The following GLRA2 variants were observed in gnomAD, a reference collection of about 807,000 sequenced individuals.
GLRA2 encodes glycine receptor alpha 2.
GLRA2 carries 11 observed loss-of-function variants against 31.6 expected under a neutral mutation model. That is an observed-to-expected ratio of 0.35 (90% CI 0.22 to 0.58). The LOEUF (loss-of-function observed/expected upper bound fraction) is 0.58, where lower values mean the gene tolerates loss of function less well. GLRA2 is among the 20% of genes least tolerant of loss of function. GLRA2 has a pLI of 0.84. For missense variants in GLRA2, 212 were observed against 351.8 expected (o/e 0.60, Z 3.18); for synonymous variants, 132 against 134.0 (o/e 0.99, Z 0.10).
intron 7 of GLRA2, among the ~76,000 whole-genome samples, chrX:14,642,425 C>T (rs1374365074): frequency 8.9e-6 from 1 of 112,014 alleles, no homozygotes; most frequent in Non-Finnish European, 1.9e-5. Flanking sequence ...CACCCAGCTC[C>T]TTGGCCATTG....
At chrX:14,514,916 G>A in the GLRA2 span, among the ~76,000 whole-genome samples, 1 of 110,605 alleles carries the variant, frequency 9.0e-6, no homozygotes, top group Non-Finnish European at 1.9e-5. Flanking sequence ...CCATTAATAT[G>A]CTATATACTG....
chrX:14,600,310 G>T (rs2090254235), intron 4 of GLRA2, among the ~76,000 whole-genome samples: 1 of 110,878 alleles, frequency 9.0e-6, no homozygotes. Context: ...ATTAAAGTTG[G>T]GTTGTTTCCA....
intron 7 of GLRA2, among the ~76,000 whole-genome samples, chrX:14,619,608 C>G (rs1409140286): frequency 9.0e-6 from 1 of 110,782 alleles, no homozygotes; most frequent in Non-Finnish European, 1.9e-5. Context: ...CAAATCTTAT[C>G]TTCTCAGCAA....
chrX:14,672,022 T>G, intron 7 of GLRA2, among the ~76,000 whole-genome samples: 1 of 112,209 alleles, frequency 8.9e-6, no homozygotes, highest in Middle Eastern at 4.6e-3. Context: ...TTTATTTCCC[T>G]TGAGTCACAG....
At chrX:14,462,641 G>T in the GLRA2 span, among the ~76,000 whole-genome samples, 1 of 111,119 alleles carries the variant, frequency 9.0e-6, no homozygotes, top group Admixed American at 9.6e-5. Context: ...GATTGAATCA[G>T]CTGTTGAACT....
At chrX:14,711,883 T>C (rs934415321) in intron 8 of GLRA2, among the ~76,000 whole-genome samples, 4 of 112,243 alleles carry the variant, frequency 3.6e-5, no homozygotes, top group African/African-American at 1.3e-4. Flanking sequence ...CTTACAATAA[T>C]TTTCTTATAA....
At chrX:14,613,174 C>T (rs925098407) in intron 7 of GLRA2, among the ~76,000 whole-genome samples, 1 of 111,308 alleles carries the variant, frequency 9.0e-6, no homozygotes, top group Non-Finnish European at 1.9e-5. Context: ...TTTTCTACAT[C>T]GTCGGTATTC....
chrX:14,539,094 A>T (rs1181761504), intron 2 of GLRA2, among the ~76,000 whole-genome samples: 2 of 111,481 alleles, frequency 1.8e-5, no homozygotes, highest in East Asian at 5.6e-4. Flanking sequence ...TCTGAGACTT[A>T]AATGGCATCA....
chrX:14,628,712 G>A (rs2090613889), intron 7 of GLRA2, among the ~76,000 whole-genome samples: 1 of 111,636 alleles, frequency 9.0e-6, no homozygotes, highest in Non-Finnish European at 1.9e-5. Flanking sequence ...AAGTTGGAAT[G>A]AGCCAGTAAA....
chrX:14,551,150 A>G (rs766223429), intron 2 of GLRA2, among the ~76,000 whole-genome samples: 39 of 111,961 alleles, frequency 3.5e-4, no homozygotes, highest in African/African-American at 1.1e-3. Flanking sequence ...AGCTAGTAAG[A>G]GTGCAGAAAT....
chrX:14,568,598 G>A (rs751123979), intron 2 of GLRA2, among the ~76,000 whole-genome samples: 7 of 108,227 alleles, frequency 6.5e-5, no homozygotes, highest in Admixed American at 9.8e-5. Context: ...GGGGCTGAGG[G>A]AAGATAATTG....
chrX:14,674,404 G>A (rs16979650), intron 7 of GLRA2, among the ~76,000 whole-genome samples: 23,264 of 111,255 alleles, frequency 0.21, 1,825 homozygotes, highest in Middle Eastern at 0.26. Context: ...ATTCCTGTGG[G>A]GAAAACTGCC....
At position 14,552,399 on chromosome X, in the gene GLRA2, G is replaced by A. The variant is rs184691487; in HGVS notation, c.202+20027G>A. On this transcript the variant is annotated intron_variant, in intron 2 of 8. Transcript: ENST00000218075. ...AACATGTTAAGTGTGTCATATGCAT[G>A]CTCTCATTTGTTCTCTACAAAATTG... 9.8e-5 allele frequency among the ~76,000 whole-genome samples: 11 copies of A among 112,386 alleles called. No individual in the cohort carries two copies. The East Asian group carries it at 3.1e-3, about 32-fold the overall frequency.
At position 14,693,794 on chromosome X, in the gene GLRA2, C is replaced by G. The variant is rs1490637454; in HGVS notation, c.1080+2935C>G. Among the ~76,000 whole-genome samples, 9 of 111,769 alleles carry G rather than the reference C, an allele frequency of 8.1e-5. No individual in the cohort carries two copies. In the East Asian group the frequency reaches 2.5e-3, roughly 31 times the overall value. The stretch of plus-strand genomic sequence containing the variant: ...TGGTACAAAGATAACTAGAACATCT[C>G]TATAAATTGGGAAATAACCAAATAC... On this transcript the variant is annotated intron_variant, in intron 8 of 8. Coordinates refer to ENST00000218075, the MANE Select transcript of GLRA2 (RefSeq NM_002063.4).
At chrX:14,585,010 C>A (rs1244496131) in intron 4 of GLRA2, among the ~76,000 whole-genome samples, 1 of 111,504 alleles carries the variant, frequency 9.0e-6, no homozygotes, top group Non-Finnish European at 1.9e-5. Context: ...ATTCTTGTGT[C>A]TCTGGTTCCC....
chrX:14,622,371 A>G (rs1448925006), intron 7 of GLRA2, among the ~76,000 whole-genome samples: 1 of 111,621 alleles, frequency 9.0e-6, no homozygotes, highest in African/African-American at 3.2e-5. Context: ...GTTTAATTAG[A>G]TCCCATTTGT....
intron 2 of GLRA2, among the ~76,000 whole-genome samples, chrX:14,552,735 A>C (rs1379039588): frequency 8.9e-6 from 1 of 112,105 alleles, no homozygotes; most frequent in African/African-American, 3.2e-5. Context: ...TTCTACCTCC[A>C]TTGCCTGAGG....
At chrX:14,626,409 G>A (rs2090588996) in intron 7 of GLRA2, among the ~76,000 whole-genome samples, 1 of 112,060 alleles carries the variant, frequency 8.9e-6, no homozygotes, top group African/African-American at 3.2e-5. Flanking sequence ...ATTACATGCA[G>A]TTCACATATT....
chrX:14,639,255 A>G (rs1244991940), intron 7 of GLRA2, among the ~76,000 whole-genome samples: 3 of 111,489 alleles, frequency 2.7e-5, no homozygotes, highest in South Asian at 7.5e-4. Context: ...CTCAATGGGA[A>G]CCACTTCCCA....
Sources: gnomAD v4.1 joint callset for allele counts (sites outside exome capture counted in the v4.1 genomes callset) on GRCh38, gnomAD v4.1.1 for gene constraint, MANE v1.5 for transcripts, NCBI Gene and HGNC (gene_info 2026-07-23, HGNC 2026-07-21) for gene names.